The following HYDIN variants were observed in gnomAD, a reference collection of about 807,000 sequenced individuals.
HYDIN encodes HYDIN axonemal central pair apparatus protein.
HYDIN carries 132 observed loss-of-function variants against 403.9 expected under a neutral mutation model. The ratio of observed to expected loss-of-function variants is 0.33; its 90% confidence interval spans 0.28 to 0.38. HYDIN has a LOEUF of 0.38. Ranked by LOEUF, HYDIN falls within the 10% of genes least tolerant of loss-of-function variation. The pLI is 1.00. For missense variants in HYDIN, 2,827 were observed against 5,009.5 expected, an observed-to-expected ratio of 0.56 and a Z score of 13.15; for synonymous variants, 1,202 against 1,891.7, an observed-to-expected ratio of 0.64 and a Z score of 9.46.
Position 70,981,521 on chromosome 16 carries a change from T to G in HYDIN, c.4380A>C (p.Leu1460=), listed in dbSNP as rs1450792497. 1.9e-6 allele frequency: 3 copies of G among 1,613,428 alleles called. No individual in the cohort carries two copies. The highest frequency in any genetic ancestry group is 2.7e-5 in the African/African-American group (2 of 74,952). ...HQEQVLKVYY[L]PGVPEVFKRS... ...TTTTAAAGACCTCAGGTACTCCAGG[T>G]AGGTAGTAAACTTTTAATACCTGCT... Residue 1460 remains leucine (L), a synonymous_variant, in exon 29 of 86, where the codon CTA becomes CTC. Coordinates refer to ENST00000393567, the MANE Select transcript of HYDIN (RefSeq NM_001270974.2).
chr16:70,966,885 G>C (rs1422775986), intron 36 of HYDIN, among the ~76,000 whole-genome samples: 1 of 150,714 alleles, frequency 6.6e-6, no homozygotes, highest in Admixed American at 6.6e-5. Context: ...GTAAAACTAA[G>C]ACTCCATGAT....
chr16:71,097,972 G>C (rs75494478), intron 10 of HYDIN, among the ~76,000 whole-genome samples: 2 of 151,902 alleles, frequency 1.3e-5, no homozygotes, highest in Non-Finnish European at 2.9e-5. Flanking sequence ...CTTTTTCCCC[G>C]TTAAATGTCC....
intron 10 of HYDIN, among the ~76,000 whole-genome samples, chr16:71,094,676 C>A (rs535328719): frequency 6.6e-6 from 1 of 152,274 alleles, no homozygotes; most frequent in Non-Finnish European, 1.5e-5. Context: ...ACAATGCTTA[C>A]GCACAAAGGC....
intron 18 of HYDIN, among the ~76,000 whole-genome samples, chr16:71,051,563 A>G (rs374270131): frequency 0.016 from 2,318 of 149,540 alleles, no homozygotes; most frequent in African/African-American, 0.056. Context: ...GGAGAATGGC[A>G]TGAACCCAGG....
At position 70,809,698 on chromosome 16, in the gene HYDIN, T is replaced by G. The variant is rs576127347; in HGVS notation, c.14883+85A>C. ...ACCTGAGTCTCTCTGAGTCTCACAT[T>G]CATGCTCCCTGTGTCTCCTCTCATT... is the stretch of plus-strand genomic sequence containing the variant. On this transcript the variant is annotated intron_variant, in intron 85 of 85. Coordinates refer to ENST00000393567, the MANE Select transcript of HYDIN (RefSeq NM_001270974.2). 1.9e-5 allele frequency: 21 copies of G among 1,091,872 alleles called. No homozygotes were observed. The African/African-American group carries it at 3.1e-4, about 16-fold the overall frequency. The allele number at this position is 1,091,872 out of a possible 1,614,324, so 67.6% of individuals were successfully genotyped here. A position where few individuals can be genotyped will look rare whatever the true frequency, so the allele number is the denominator to read the frequency against.
intron 7 of HYDIN, among the ~76,000 whole-genome samples, chr16:71,145,759 C>T (rs1048943509): frequency 6.6e-6 from 1 of 152,130 alleles, no homozygotes; most frequent in African/African-American, 2.4e-5. Flanking sequence ...AGACGATCTG[C>T]TATAGTGAAA....
intron 83 of HYDIN, among the ~76,000 whole-genome samples, chr16:70,824,846 T>C (rs2036491073): frequency 6.6e-6 from 1 of 152,066 alleles, no homozygotes; most frequent in South Asian, 2.1e-4. Flanking sequence ...TATGGGTGGG[T>C]TACTTTTTTT....
chr16:70,977,079 A>C (rs2078909458), intron 30 of HYDIN, among the ~76,000 whole-genome samples: 2 of 152,142 alleles, frequency 1.3e-5, no homozygotes, highest in African/African-American at 2.4e-5. Flanking sequence ...CATCATATTC[A>C]CAGAAACCCC....
chr16:71,023,123 A>C (rs1377502493), intron 21 of HYDIN, among the ~76,000 whole-genome samples: 2 of 152,194 alleles, frequency 1.3e-5, no homozygotes, highest in Non-Finnish European at 2.9e-5. Flanking sequence ...GTTGCCAATA[A>C]ATATCTTTCC....
intron 73 of HYDIN, among the ~76,000 whole-genome samples, chr16:70,853,011 T>TAA (rs77008189): frequency 7.6e-6 from 1 of 131,020 alleles, no homozygotes; most frequent in Admixed American, 7.6e-5. Flanking sequence ...CCATCTCTAC[T>TAA]AAAAAAAAAA....
intron 1 of HYDIN, among the ~76,000 whole-genome samples, chr16:71,188,689 C>G (rs1390310881): frequency 2.0e-5 from 3 of 152,120 alleles, no homozygotes; most frequent in Non-Finnish European, 2.9e-5. Flanking sequence ...ATAAACTACT[C>G]TTAGTAAGAC....
chr16:70,918,076 C>G (rs531631935), intron 47 of HYDIN, 135 bp downstream of exon 47: 6 of 455,218 alleles, frequency 1.3e-5, no homozygotes, highest in Non-Finnish European at 2.1e-5. Context: ...GGATCCCCAA[C>G]GAGTCAAGGG....
At chr16:71,210,835 C>T (rs2088548684) in intron 1 of HYDIN, among the ~76,000 whole-genome samples, 1 of 151,290 alleles carries the variant, frequency 6.6e-6, no homozygotes. Context: ...GTATTGATTT[C>T]AAAAAAAATT....
Position 71,184,980 on chromosome 16 carries a change from G to A in HYDIN, c.146C>T (p.Ser49Leu). The change falls in exon 3 of 86, where the codon TCA becomes TTA. Residue 49 changes from serine to leucine, a missense_variant. Transcript: ENST00000393567. ...EEEVNRMLTP[S>L]EFLKEMSLTT... ...CAGGGACATTTCCTTCAGGAACTCTGAGGGTGTAAGCTAGAATGTAAAACA... is the reference window on the plus strand; with the variant it reads ...CAGGGACATTTCCTTCAGGAACTCTAAGGGTGTAAGCTAGAATGTAAAACA... 1 of 1,607,884 alleles carries A rather than the reference G, an allele frequency of 6.2e-7. No individual in the cohort carries two copies.
chr16:70,955,267 T>G, intron 40 of HYDIN, 108 bp downstream of exon 40: 1 of 649,778 alleles, frequency 1.5e-6, no homozygotes, highest in Non-Finnish European at 2.5e-6. Context: ...TAGGGCAGAC[T>G]TCAACCAGGC....
chr16:70,826,705 ATCTCTC>A (rs3043151), intron 83 of HYDIN, among the ~76,000 whole-genome samples: 20,278 of 128,850 alleles, frequency 0.16, 2,785 homozygotes, highest in African/African-American at 0.34. Context: ...TCTTGCCAGC[ATCTCTC>A]TCTCTCTCTC....
At chr16:70,921,630 T>C (rs951527111) in intron 45 of HYDIN, among the ~76,000 whole-genome samples, 5 of 152,174 alleles carry the variant, frequency 3.3e-5, no homozygotes, top group African/African-American at 1.2e-4. Context: ...GCTGTGACCC[T>C]GGGAGAGGAC....
chr16:70,811,644 G>C (rs1421576341), intron 84 of HYDIN, among the ~76,000 whole-genome samples: 1 of 150,716 alleles, frequency 6.6e-6, no homozygotes, highest in Non-Finnish European at 1.5e-5. Flanking sequence ...GATCACCTGA[G>C]ATTGGGAGTT....
At chr16:71,216,608 C>T (rs912960435) in intron 1 of HYDIN, among the ~76,000 whole-genome samples, 33 of 152,292 alleles carry the variant, frequency 2.2e-4, no homozygotes, top group African/African-American at 7.9e-4. Context: ...TAAATGGTAA[C>T]AATGTGTTTC....
Sources: allele counts gnomAD v4.1 joint callset (sites outside exome capture counted in the v4.1 genomes callset), GRCh38; gene constraint gnomAD v4.1.1; transcripts MANE v1.5; gene names NCBI Gene and HGNC (gene_info 2026-07-23, HGNC 2026-07-21).